The following LRRC4C variants were observed in gnomAD, a reference collection of about 807,000 sequenced individuals.
LRRC4C encodes the protein leucine-rich repeat-containing protein 4C.
Under a neutral mutation model 33.6 loss-of-function variants are expected in LRRC4C, and 5 were observed. The ratio of observed to expected loss-of-function variants is 0.15; its 90% CI spans 0.08 to 0.31. LRRC4C has a LOEUF of 0.31. Ranked by LOEUF, LRRC4C falls within the 10% of genes least tolerant of loss-of-function variation. LRRC4C has a pLI of 1.00. For synonymous variants in LRRC4C, 329 were observed against 302.0 expected (o/e 1.09, Z -0.93); for missense variants, 560 against 796.7 (o/e 0.70, Z 3.58).
In LRRC4C at chr11:40,780,725, A is replaced by G. The variant is rs1331795923; in HGVS notation, c.-406-132447T>C. Among the ~76,000 whole-genome samples, 4 of 152,232 alleles carry G rather than the reference A, an allele frequency of 2.6e-5. No individual in the cohort carries two copies. The East Asian group carries it at 5.8e-4, about 22-fold the overall frequency. On this transcript the variant is annotated intron_variant, in intron 2 of 6. Transcript: ENST00000528697. ...ACCTCATATACAGTTCTTATAATGT[A>G]TAATAGAGTAAAATAACACTCCATG... is the stretch of plus-strand genomic sequence containing the variant.
chr11:40,836,312 G>A (rs1011511200), intron 2 of LRRC4C, among the ~76,000 whole-genome samples: 3 of 152,192 alleles, frequency 2.0e-5, no homozygotes, highest in Non-Finnish European at 4.4e-5. Context: ...CTTTGTGAGA[G>A]CTGATCATAT....
intron 6 of LRRC4C, among the ~76,000 whole-genome samples, chr11:40,128,880 G>T (rs892386493): frequency 6.6e-6 from 1 of 152,128 alleles, no homozygotes; most frequent in Non-Finnish European, 1.5e-5. Context: ...CTGGCAAAAA[G>T]TATCCCTTTT....
intron 2 of LRRC4C, among the ~76,000 whole-genome samples, chr11:40,823,734 T>C (rs1436196639): frequency 2.0e-5 from 3 of 151,806 alleles, no homozygotes; most frequent in Non-Finnish European, 4.4e-5. Context: ...ATATTGCCAA[T>C]AAATATGTAA....
rs142473268 is a variant in LRRC4C at position 40,336,842 on chromosome 11, C to T, written c.-269-17121G>A. ...ATACAAAAAAATTAGTCGGGAGTGG[C>T]GGGGGGCGCCTGTAGTCCCAGCTAC... On this transcript the variant is annotated intron_variant, in intron 3 of 6. Transcript: ENST00000528697. 5.4e-3 allele frequency among the ~76,000 whole-genome samples: 823 copies of T among 151,276 alleles called. 12 individuals carry two copies. The highest frequency in any genetic ancestry group is 0.017 in the African/African-American group (691 of 41,318).
At chr11:40,466,575 A>T (rs747230386) in intron 3 of LRRC4C, among the ~76,000 whole-genome samples, 14 of 151,858 alleles carry the variant, frequency 9.2e-5, no homozygotes, top group Non-Finnish European at 1.9e-4. Context: ...TCTTATAGGA[A>T]TTTTTTTGTA....
At chr11:40,462,209 ATTCTTTC>A (rs1952432410) in intron 3 of LRRC4C, among the ~76,000 whole-genome samples, 3 of 152,220 alleles carry the variant, frequency 2.0e-5, no homozygotes, top group Admixed American at 2.0e-4. Context: ...AAAACTAAAC[ATTCTTTC>A]TATTCATAAC....
chr11:40,186,879 C>T (rs939093316), intron 5 of LRRC4C, among the ~76,000 whole-genome samples: 2 of 152,152 alleles, frequency 1.3e-5, no homozygotes, highest in Non-Finnish European at 2.9e-5. Flanking sequence ...GTGCACCCTA[C>T]CACTTGATCT....
chr11:40,471,298 G>A (rs148131957), intron 3 of LRRC4C, among the ~76,000 whole-genome samples: 3,712 of 152,160 alleles, frequency 0.024, 155 homozygotes, highest in African/African-American at 0.084. Context: ...CTTCATAAGC[G>A]AAGGAGAAAT....
chr11:40,326,202 C>T, intron 3 of LRRC4C, among the ~76,000 whole-genome samples: 1 of 152,056 alleles, frequency 6.6e-6, no homozygotes, highest in East Asian at 1.9e-4. Flanking sequence ...TTCAGTATAA[C>T]CTAGTACTGA....
intron 1 of LRRC4C, among the ~76,000 whole-genome samples, chr11:41,172,976 A>G (rs938754324): frequency 5.3e-5 from 8 of 152,142 alleles, no homozygotes; most frequent in African/African-American, 1.9e-4. Context: ...CCAGAAACCC[A>G]AGTTCCCCCA....
intron 5 of LRRC4C, among the ~76,000 whole-genome samples, chr11:40,186,585 G>A (rs1002222968): frequency 3.9e-5 from 6 of 152,244 alleles, no homozygotes; most frequent in Admixed American, 2.0e-4. Context: ...GATGTATGAC[G>A]CCTAGTCTAT....
At chr11:40,117,405 T>G (rs2134607454) in intron 6 of LRRC4C, among the ~76,000 whole-genome samples, 1 of 152,318 alleles carries the variant, frequency 6.6e-6, no homozygotes, top group East Asian at 1.9e-4. Context: ...ACATATCACA[T>G]GTTAACTATT....
chr11:41,150,432 A>G (rs1188993597), intron 1 of LRRC4C, among the ~76,000 whole-genome samples: 1 of 152,204 alleles, frequency 6.6e-6, no homozygotes, highest in Non-Finnish European at 1.5e-5. Context: ...TTTAATCTAA[A>G]TATCTCCGAT....
intron 1 of LRRC4C, among the ~76,000 whole-genome samples, chr11:41,144,702 A>G (rs566854241): frequency 6.2e-4 from 94 of 152,258 alleles, no homozygotes; most frequent in African/African-American, 2.2e-3. Flanking sequence ...TTTCAAAGCT[A>G]TATTACATTT....
intron 1 of LRRC4C, among the ~76,000 whole-genome samples, chr11:41,115,551 T>A (rs1156756639): frequency 6.6e-6 from 1 of 152,108 alleles, no homozygotes; most frequent in Non-Finnish European, 1.5e-5. Flanking sequence ...CTTAAAAACC[T>A]GAGGTTTTAA....
At chr11:41,403,009 C>A (rs1591439888) in intron 1 of LRRC4C, among the ~76,000 whole-genome samples, 2 of 151,972 alleles carry the variant, frequency 1.3e-5, no homozygotes, top group African/African-American at 4.8e-5. Flanking sequence ...GTCTTTTGCC[C>A]CTTAGTGTTC....
chr11:41,328,685 C>T (rs1325207200), intron 1 of LRRC4C, among the ~76,000 whole-genome samples: 3 of 152,212 alleles, frequency 2.0e-5, no homozygotes, highest in African/African-American at 7.2e-5. Flanking sequence ...TAACCACCAG[C>T]AAGCCTCCTA....
At chr11:40,647,580 T>C (rs1217452720) in intron 3 of LRRC4C, among the ~76,000 whole-genome samples, 1 of 152,158 alleles carries the variant, frequency 6.6e-6, no homozygotes, top group Non-Finnish European at 1.5e-5. Flanking sequence ...TTCAGACAAG[T>C]ACAACTTTTC....
intron 1 of LRRC4C, among the ~76,000 whole-genome samples, chr11:41,301,980 C>G (rs955780989): frequency 2.0e-5 from 3 of 152,172 alleles, no homozygotes; most frequent in African/African-American, 7.2e-5. Flanking sequence ...TTTGACAGTA[C>G]ATTGCAGATA....
Sources: gnomAD v4.1 joint callset for allele counts (sites outside exome capture counted in the v4.1 genomes callset) on GRCh38, gnomAD v4.1.1 for gene constraint, MANE v1.5 for transcripts, NCBI Gene and HGNC (gene_info 2026-07-23, HGNC 2026-07-21) for gene names.